The following VTI1A variants were observed in gnomAD, a reference collection of about 807,000 sequenced individuals.
VTI1A encodes the protein vesicle transport through interaction with t-SNAREs 1A, also known as vesicle transport through interaction with t-SNAREs homolog 1A.
VTI1A carries 22 observed loss-of-function variants against 34.9 expected under a neutral mutation model. The observed-to-expected ratio is 0.63, with a 90% CI of 0.45 to 0.90. The LOEUF is 0.90. Ranked by LOEUF, VTI1A falls within the 40% of genes least tolerant of loss-of-function variation. The pLI is 0.00. For synonymous variants in VTI1A, 87 were observed against 97.3 expected (o/e 0.89, Z 0.62); for missense variants, 268 against 275.6 (o/e 0.97, Z 0.20).
At chr10:112,606,239 G>A (rs1024397894) in intron 5 of VTI1A, among the ~76,000 whole-genome samples, 1 of 151,932 alleles carries the variant, frequency 6.6e-6, no homozygotes, top group African/African-American at 2.4e-5. Context: ...TGGTCAGGCT[G>A]GCCTCGAACT....
At chr10:112,453,114 A>G (rs1847301390) in intron 1 of VTI1A, among the ~76,000 whole-genome samples, 1 of 152,170 alleles carries the variant, frequency 6.6e-6, no homozygotes, top group Non-Finnish European at 1.5e-5. Flanking sequence ...TACTGGTCAG[A>G]TATTTTCTAG....
At chr10:112,849,691 A>C in the VTI1A span, among the ~76,000 whole-genome samples, 3 of 152,232 alleles carry the variant, frequency 2.0e-5, no homozygotes, top group Non-Finnish European at 4.4e-5. Flanking sequence ...ATCTGGGTGA[A>C]CTATATTTGA....
chr10:112,660,773 T>TA (rs1564871714), intron 5 of VTI1A, among the ~76,000 whole-genome samples: 1 of 152,192 alleles, frequency 6.6e-6, no homozygotes, highest in Non-Finnish European at 1.5e-5. Flanking sequence ...TTAAGGTTTT[T>TA]ATCCCTAATT....
intron 3 of VTI1A, among the ~76,000 whole-genome samples, chr10:112,518,091 A>T (rs1406361162): frequency 1.3e-5 from 2 of 152,122 alleles, no homozygotes; most frequent in Non-Finnish European, 1.5e-5. Flanking sequence ...AATAATTTTG[A>T]CAACTAGGAA....
intron 5 of VTI1A, among the ~76,000 whole-genome samples, chr10:112,540,949 G>C (rs183232168): frequency 5.3e-5 from 8 of 152,276 alleles, no homozygotes; most frequent in African/African-American, 1.9e-4. Context: ...GCCAGTTCTA[G>C]ACCACAACAG....
chr10:112,853,259 A>G, the VTI1A span, among the ~76,000 whole-genome samples: 18 of 152,306 alleles, frequency 1.2e-4, 1 homozygote, highest in East Asian at 3.5e-3. Context: ...TACTACCTCC[A>G]ACCCCAGAAC....
chr10:112,818,444 C>G lies in VTI1A; in HGVS notation c.*3061C>G, dbSNP rs1853584974. On this transcript the variant is annotated 3_prime_UTR_variant, in exon 8 of 8. Coordinates refer to ENST00000393077, the MANE Select transcript of VTI1A (RefSeq NM_145206.4). Reference sequence around the variant, plus strand: ...GAAAAGCAACTGTCTTTCTCTCCCTCTCTTTCTCCTTTTTTTTTGCACATC... The same window carrying G: ...GAAAAGCAACTGTCTTTCTCTCCCTGTCTTTCTCCTTTTTTTTTGCACATC... 4.3e-6 allele frequency: 1 copy of G among 231,636 alleles called. No homozygotes were observed. The highest frequency in any genetic ancestry group is 8.6e-6 in the Non-Finnish European group (1 of 116,954). 14.3% of individuals were successfully genotyped at this position (231,636 alleles called of 1,614,324 possible). A position where few individuals can be genotyped will look rare whatever the true frequency, so the allele number is the denominator to read the frequency against.
chr10:112,676,126 G>T (rs749565962), intron 7 of VTI1A, among the ~76,000 whole-genome samples: 10 of 152,108 alleles, frequency 6.6e-5, no homozygotes, highest in Non-Finnish European at 1.3e-4. Flanking sequence ...CTAGGTTGAT[G>T]AATTTTAAAT....
chr10:112,478,897 G>A (rs537847057), intron 3 of VTI1A, among the ~76,000 whole-genome samples: 5 of 152,194 alleles, frequency 3.3e-5, no homozygotes, highest in East Asian at 1.9e-4. Context: ...GGCCGGGCGC[G>A]GTGGTTCACG....
At chr10:112,694,120 C>T (rs745308023) in intron 7 of VTI1A, among the ~76,000 whole-genome samples, 8 of 152,108 alleles carry the variant, frequency 5.3e-5, no homozygotes, top group Admixed American at 3.3e-4. Context: ...GCAGAAGAAT[C>T]GCTTGAACCC....
chr10:112,835,675 T>C, the VTI1A span, among the ~76,000 whole-genome samples: 1 of 152,218 alleles, frequency 6.6e-6, no homozygotes, highest in Non-Finnish European at 1.5e-5. Flanking sequence ...AGCAAGGCTC[T>C]GCACACACTC....
At chr10:112,683,998 G>A (rs547289552) in intron 7 of VTI1A, among the ~76,000 whole-genome samples, 5 of 151,512 alleles carry the variant, frequency 3.3e-5, no homozygotes, top group Admixed American at 1.3e-4. Flanking sequence ...AGCTGAGATC[G>A]TGCCACTGCA....
At chr10:112,836,546 C>G in the VTI1A span, among the ~76,000 whole-genome samples, 1 of 152,172 alleles carries the variant, frequency 6.6e-6, no homozygotes, top group Non-Finnish European at 1.5e-5. Flanking sequence ...GCAAATTTCC[C>G]TCCGTTTTCT....
At chr10:112,571,266 T>TTA (rs1852105165) in intron 5 of VTI1A, among the ~76,000 whole-genome samples, 1 of 152,164 alleles carries the variant, frequency 6.6e-6, no homozygotes, top group Admixed American at 6.5e-5. Context: ...CCTTCCAAGT[T>TTA]TATACTCCAA....
intron 7 of VTI1A, among the ~76,000 whole-genome samples, chr10:112,788,501 T>G (rs1590185376): frequency 6.6e-6 from 1 of 152,348 alleles, no homozygotes; most frequent in Non-Finnish European, 1.5e-5. Flanking sequence ...TTTTTCACCT[T>G]TTAACTTTCA....
At chr10:112,575,671 A>G (rs901000766) in intron 5 of VTI1A, among the ~76,000 whole-genome samples, 1 of 152,212 alleles carries the variant, frequency 6.6e-6, no homozygotes, top group Non-Finnish European at 1.5e-5. Flanking sequence ...ATTACCTTTT[A>G]CCTTATGAAA....
chr10:112,586,248 ACTC>A (rs768441182), intron 5 of VTI1A, among the ~76,000 whole-genome samples: 6 of 151,390 alleles, frequency 4.0e-5, no homozygotes, highest in Non-Finnish European at 4.4e-5. Flanking sequence ...GAAGCTCTGT[ACTC>A]CTCCTTGGTT....
At chr10:112,546,559 A>G (rs1264070122) in intron 5 of VTI1A, among the ~76,000 whole-genome samples, 1 of 152,186 alleles carries the variant, frequency 6.6e-6, no homozygotes, top group Non-Finnish European at 1.5e-5. Flanking sequence ...AGTAGGCATT[A>G]CTTGTCCGCT....
Position 112,609,058 on chromosome 10 carries a change from G to A in VTI1A, c.428-59160G>A, listed in dbSNP as rs189391441. ...GAAATCTATAGAAATAATTATCATT[G>A]GAAAATGGTTTTTTGGTGGGATATA... On this transcript the variant is annotated intron_variant, in intron 5 of 7. Coordinates refer to ENST00000393077, the MANE Select transcript of VTI1A (RefSeq NM_145206.4). Among the ~76,000 whole-genome samples, 221 of 152,176 alleles carry A rather than the reference G, an allele frequency of 1.5e-3. 1 individual carries two copies. The highest frequency in any genetic ancestry group is 4.5e-3 in the African/African-American group (187 of 41,518).
Sources: gnomAD v4.1 joint callset for allele counts (sites outside exome capture counted in the v4.1 genomes callset) on GRCh38, gnomAD v4.1.1 for gene constraint, MANE v1.5 for transcripts, NCBI Gene and HGNC (gene_info 2026-07-23, HGNC 2026-07-21) for gene names.